Variants in LRBA observed in about 807,000 individuals in gnomAD.
LRBA encodes LPS responsive beige-like anchor protein, also known as lipopolysaccharide-responsive and beige-like anchor protein.
LRBA carries 176 observed loss-of-function variants against 330.0 expected under a neutral mutation model. That is an observed-to-expected ratio of 0.53 (90% confidence interval 0.47 to 0.60). LRBA has a LOEUF of 0.60. Ranked by LOEUF, LRBA falls within the 20% of genes least tolerant of loss-of-function variation. The pLI, the probability that LRBA is intolerant of heterozygous loss-of-function variation, is 0.00. For missense variants in LRBA, 3,259 were observed against 3,444.8 expected (o/e 0.95, Z 1.35); for synonymous variants, 1,230 against 1,193.0 (o/e 1.03, Z -0.64).
chr4:150,363,828 C>A (rs1007374373), intron 47 of LRBA, among the ~76,000 whole-genome samples: 2 of 152,298 alleles, frequency 1.3e-5, no homozygotes, highest in African/African-American at 4.8e-5. Context: ...TTCTGATTTA[C>A]CGCAATTCAA....
At position 150,915,659 on chromosome 4, in the gene LRBA, A is replaced by G; in HGVS notation, c.963T>C (p.Asn321=). The G allele has an allele frequency of 1.2e-6, 2 of 1,612,766 alleles. No individual in the cohort carries two copies. Among genetic ancestry groups the G allele is most frequent in the Non-Finnish European group, 1.7e-6 (2 of 1,178,982 alleles). The part of the protein sequence containing the change: ...WKNSELRCYV[N]GELASYGEIT... ...TCTCTCCATAGGAAGCCAGCTCACC[A>G]TTCACATAACATCGAAGTTCACTAT... The change falls in exon 8 of 57, where the codon AAT becomes AAC. Residue 321 remains asparagine, a synonymous_variant. Coordinates refer to ENST00000651943, the MANE Select transcript of LRBA (RefSeq NM_001364905.1).
intron 35 of LRBA, among the ~76,000 whole-genome samples, chr4:150,753,609 G>C (rs930830389): frequency 6.6e-5 from 10 of 152,036 alleles, no homozygotes; most frequent in African/African-American, 2.4e-4. Flanking sequence ...TTTCCTAAAA[G>C]TCACATACAT....
intron 44 of LRBA, among the ~76,000 whole-genome samples, chr4:150,447,196 C>T (rs1157098087): frequency 6.6e-6 from 1 of 152,150 alleles, no homozygotes; most frequent in Non-Finnish European, 1.5e-5. Context: ...CCTCATGTAA[C>T]ACAAATCATA....
At chr4:150,562,991 G>A (rs900800061) in intron 40 of LRBA, among the ~76,000 whole-genome samples, 1 of 152,040 alleles carries the variant, frequency 6.6e-6, no homozygotes, top group East Asian at 1.9e-4. Flanking sequence ...TGTAGAAATG[G>A]AGTCTTACTG....
intron 47 of LRBA, among the ~76,000 whole-genome samples, chr4:150,398,885 C>T (rs1745102940): frequency 6.6e-6 from 1 of 152,130 alleles, no homozygotes; most frequent in African/African-American, 2.4e-5. Flanking sequence ...CTTTAGCCTC[C>T]CAGAGTGCCG....
At chr4:150,655,447 C>A (rs1780091798) in intron 37 of LRBA, among the ~76,000 whole-genome samples, 1 of 152,042 alleles carries the variant, frequency 6.6e-6, no homozygotes, top group African/African-American at 2.4e-5. Context: ...TTTTTGCCAC[C>A]AAATCTTTAA....
intron 17 of LRBA, among the ~76,000 whole-genome samples, chr4:150,874,150 T>C (rs1405007973): frequency 6.6e-6 from 1 of 152,194 alleles, no homozygotes; most frequent in Non-Finnish European, 1.5e-5. Flanking sequence ...CTTTAGCATT[T>C]CTCAGCCACT....
At chr4:150,406,642 A>G (rs1196184111) in intron 47 of LRBA, among the ~76,000 whole-genome samples, 4 of 152,250 alleles carry the variant, frequency 2.6e-5, no homozygotes, top group Admixed American at 2.6e-4. Flanking sequence ...TCAGGAAGAC[A>G]TAACAATTAT....
intron 37 of LRBA, among the ~76,000 whole-genome samples, chr4:150,654,178 A>G (rs1473881743): frequency 6.6e-6 from 1 of 152,144 alleles, no homozygotes; most frequent in Non-Finnish European, 1.5e-5. Flanking sequence ...TATTGAGAAA[A>G]GTCTGTTGTC....
intron 2 of LRBA, among the ~76,000 whole-genome samples, chr4:150,957,944 A>G (rs1737714590): frequency 6.7e-6 from 1 of 149,312 alleles, no homozygotes; most frequent in Non-Finnish European, 1.5e-5. Flanking sequence ...GTGGCTTTGC[A>G]GGGTACAGAC....
At chr4:150,439,598 C>T (rs910499030) in intron 44 of LRBA, among the ~76,000 whole-genome samples, 1 of 152,164 alleles carries the variant, frequency 6.6e-6, no homozygotes, top group African/African-American at 2.4e-5. Flanking sequence ...TTGAATTATA[C>T]ATTACGCGAA....
At chr4:150,948,745 AAG>A (rs940349269) in intron 2 of LRBA, among the ~76,000 whole-genome samples, 2 of 151,982 alleles carry the variant, frequency 1.3e-5, no homozygotes, top group African/African-American at 4.8e-5. Flanking sequence ...AGTCTCTCAA[AAG>A]TCAAGAGTAA....
intron 37 of LRBA, among the ~76,000 whole-genome samples, chr4:150,622,405 G>A (rs1259771510): frequency 6.6e-6 from 1 of 152,156 alleles, no homozygotes; most frequent in Non-Finnish European, 1.5e-5. Flanking sequence ...CACAATGGTG[G>A]CACATTCTTG....
chr4:150,798,656 G>A (rs1039787537), intron 33 of LRBA, among the ~76,000 whole-genome samples: 8 of 151,996 alleles, frequency 5.3e-5, no homozygotes, highest in East Asian at 3.9e-4. Flanking sequence ...AATGCAAGCC[G>A]TTGTCTGTTA....
At chr4:150,907,399 T>A (rs1262509887) in intron 11 of LRBA, among the ~76,000 whole-genome samples, 1 of 151,532 alleles carries the variant, frequency 6.6e-6, no homozygotes, top group Non-Finnish European at 1.5e-5. Context: ...AAGTAAACCC[T>A]GTTAGAACAC....
chr4:150,669,239 G>C (rs1273847966), intron 37 of LRBA, among the ~76,000 whole-genome samples: 2 of 151,976 alleles, frequency 1.3e-5, no homozygotes, highest in African/African-American at 2.4e-5. Flanking sequence ...ACAAATATTA[G>C]AGTTCCTGTA....
chr4:150,414,918 C>T (rs757875512), intron 47 of LRBA, among the ~76,000 whole-genome samples: 16 of 152,180 alleles, frequency 1.1e-4, no homozygotes, highest in Non-Finnish European at 2.2e-4. Flanking sequence ...ATGAAGGACA[C>T]TAAAGAATCC....
chr4:150,428,570 C>T (rs561798379), intron 46 of LRBA, among the ~76,000 whole-genome samples: 1 of 152,086 alleles, frequency 6.6e-6, no homozygotes, highest in Non-Finnish European at 1.5e-5. Context: ...CAAACTACCT[C>T]GCTATTTTTC....
intron 4 of LRBA, among the ~76,000 whole-genome samples, chr4:150,922,563 G>A: frequency 6.6e-6 from 1 of 152,018 alleles, no homozygotes; most frequent in East Asian, 1.9e-4. Flanking sequence ...TGGGAGCTAA[G>A]CTATGAGGAC....
Sources: allele counts gnomAD v4.1 joint callset (sites outside exome capture counted in the v4.1 genomes callset), GRCh38; gene constraint gnomAD v4.1.1; transcripts MANE v1.5; gene names NCBI Gene and HGNC (gene_info 2026-07-23, HGNC 2026-07-21).